Variants in LRRN4 observed in about 807,000 individuals in gnomAD.
LRRN4 encodes the protein leucine rich repeat neuronal 4.
LRRN4 carries 26 observed loss-of-function variants against 22.3 expected under a neutral mutation model. The observed-to-expected ratio is 1.16, with a 90% CI of 0.85 to 1.62. LRRN4 has a LOEUF of 1.62. LRRN4 is among the 40% of genes most tolerant of loss of function. LRRN4 has a pLI of 0.00. For missense variants in LRRN4, 1,070 were observed against 1,008.5 expected (o/e 1.06, Z -0.83); for synonymous variants, 496 against 486.2 (o/e 1.02, Z -0.26).
chr20:6,041,952 G>A lies in LRRN4; in HGVS notation c.1293C>T (p.Pro431=), dbSNP rs558367770. Reference sequence around the variant, plus strand: ...GACCTGCTACAGAGTTGGTCGTGGAGGGGGCAGTCCCCTCCCGTGCATCGC... The same window carrying A: ...GACCTGCTACAGAGTTGGTCGTGGAAGGGGCAGTCCCCTCCCGTGCATCGC... ...PHSDAREGTA[P]STTNSVAGHS... The change falls in exon 5 of 5, where the codon CCC becomes CCT. Residue 431 remains proline (P), a synonymous_variant. Transcript: ENST00000378858. This position sits in a 1 kb window ranked among gnomAD's most constrained non-coding sequence, Gnocchi z 9.4. The A allele has an allele frequency of 5.1e-4, 816 of 1,614,174 alleles. 7 individuals are homozygous for A. In the South Asian group the frequency reaches 7.5e-3, roughly 15 times the overall value.
chr20:6,044,424 C>T (rs1276164610), intron 4 of LRRN4, 119 bp downstream of exon 4: 14 of 1,082,738 alleles, frequency 1.3e-5, no homozygotes, highest in Non-Finnish European at 1.7e-5. Context: ...GGAAAGGCTG[C>T]CCAGCCCAAC....
rs1399621963 is a variant in LRRN4 at position 6,045,120 on chromosome 20, C to A, written c.861-440G>T. On this transcript the variant is annotated intron_variant, in intron 3 of 4. Coordinates refer to ENST00000378858, the MANE Select transcript of LRRN4 (RefSeq NM_152611.5). ...TCTCATATCAACTGGGGACAATATTCCCATGACTGATCGTTGTATCAAAAA... is the reference window on the plus strand; with the variant it reads ...TCTCATATCAACTGGGGACAATATTACCATGACTGATCGTTGTATCAAAAA... 2.7e-5 allele frequency among the ~76,000 whole-genome samples: 4 copies of A among 148,476 alleles called. 1 individual carries two copies. In the Admixed American group the frequency reaches 2.7e-4, roughly 10 times the overall value.
At chr20:6,052,095 G>T in intron 2 of LRRN4, 50 bp downstream of exon 2, 6 of 1,535,078 alleles carry the variant, frequency 3.9e-6, no homozygotes, top group Non-Finnish European at 5.3e-6. Context: ...CGCACGCGCA[G>T]CCTGGCTCTG....
At position 6,042,242 on chromosome 20, in the gene LRRN4, C is replaced by T; in HGVS notation, c.1003G>A (p.Ala335Thr). The T allele has an allele frequency of 6.2e-7, 1 of 1,608,014 alleles. No homozygotes were observed. The highest frequency in any genetic ancestry group is 8.5e-7 in the Non-Finnish European group (1 of 1,177,250). ...GCAGCTGGCGCGCACATAGTGTCTG[C>T]TGCCCTGGAGGGGAGGCCAACCAGT... ...DAKRTVLSRAADTMCAPAAGS... is the reference protein window; with the variant it reads ...DAKRTVLSRATDTMCAPAAGS... Residue 335 changes from alanine to threonine, a missense_variant, in exon 5 of 5, where the codon GCA (alanine) becomes ACA (threonine). Ala to Thr is a moderately conservative substitution (Grantham distance 58). Coordinates refer to ENST00000378858, the MANE Select transcript of LRRN4 (RefSeq NM_152611.5).
intron 3 of LRRN4, among the ~76,000 whole-genome samples, chr20:6,049,593 C>T (rs1981197285): frequency 6.6e-6 from 1 of 152,068 alleles, no homozygotes; most frequent in African/African-American, 2.4e-5. Context: ...CTCCACTTCC[C>T]AGGATCAAGC....
chr20:6,041,138 C>T lies in LRRN4; in HGVS notation c.2107G>A (p.Ala703Thr), dbSNP rs1348703152. 2 of 1,609,134 alleles carry T rather than the reference C, an allele frequency of 1.2e-6. No individual in the cohort carries two copies. The highest frequency in any genetic ancestry group is 1.7e-5 in the Admixed American group (1 of 59,296). Residue 703 changes from alanine to threonine, a missense_variant, in exon 5 of 5, where the codon GCA (alanine) becomes ACA (threonine). Transcript: ENST00000378858. The surrounding 1 kb of genome is among the most constrained non-coding windows in gnomAD (Gnocchi z 9.4). ...GTCTGGCCCCGCCTGCAGAGACATG[C>T]GGACAGCACCACGGTGCTGGCGAGC... is the stretch of plus-strand genomic sequence containing the variant. ...LLLASTVVLS[A>T]CLCRRGQTLG...
Position 6,053,392 on chromosome 20 carries a change from A to G in LRRN4, c.-6+438T>C, listed in dbSNP as rs573167326. ...GCATGCTCAGGGTTGCCTTCAGCAG[A>G]AGAACAAAGCCCTGTGAACCCTGGA... On this transcript the variant is annotated intron_variant, in intron 1 of 4. Transcript: ENST00000378858. 6.6e-5 allele frequency among the ~76,000 whole-genome samples: 10 copies of G among 152,280 alleles called. No homozygotes were observed. The East Asian group carries it at 1.4e-3, about 21-fold the overall frequency.
chr20:6,044,928 A>G (rs995730262), intron 3 of LRRN4, among the ~76,000 whole-genome samples: 10 of 152,160 alleles, frequency 6.6e-5, no homozygotes, highest in African/African-American at 2.2e-4. Flanking sequence ...ATATTCCTTC[A>G]TATCAACTGG....
At chr20:6,044,731 A>G (rs760367089) in intron 3 of LRRN4, 51 bp from the exon 4 acceptor site, 3 of 1,429,454 alleles carry the variant, frequency 2.1e-6, no homozygotes, top group Admixed American at 4.8e-5. Flanking sequence ...CAATTGTATC[A>G]AAGATATTCC....
intron 3 of LRRN4, among the ~76,000 whole-genome samples, chr20:6,050,034 CT>C (rs1022105052): frequency 6.6e-6 from 1 of 151,968 alleles, no homozygotes. Flanking sequence ...AAACCATATA[CT>C]TTTTTTCTCA....
At position 6,050,832 on chromosome 20, in the gene LRRN4, G is replaced by A. The variant is rs776356227; in HGVS notation, c.807C>T (p.Val269=). Reference sequence around the variant, plus strand: ...GAGTATCTTGAAAGATGTGTGTGGCGACAGAAGCAAGTGCTGGGGAGTCCT... The same window carrying A: ...GAGTATCTTGAAAGATGTGTGTGGCAACAGAAGCAAGTGCTGGGGAGTCCT... The part of the protein sequence containing the change: ...DCQDSPALAS[V]ATHIFQDTPH... Residue 269 remains valine, a synonymous_variant, in exon 3 of 5, where the codon GTC becomes GTT. Transcript: ENST00000378858. 9.3e-6 allele frequency: 15 copies of A among 1,613,764 alleles called. No individual in the cohort carries two copies. Among genetic ancestry groups the A allele is most frequent in the East Asian group, 4.5e-5 (2 of 44,878 alleles).
chr20:6,041,160 G>T lies in LRRN4; in HGVS notation c.2085C>A (p.Leu695=). Residue 695 remains leucine, a synonymous_variant, in exon 5 of 5, where the codon CTC becomes CTA. Transcript: ENST00000378858. This position sits in a 1 kb window ranked among gnomAD's most constrained non-coding sequence, Gnocchi z 9.4. ...ATGCGGACAGCACCACGGTGCTGGC[G>T]AGCAACAGGCCGCTGGCGGCGCACA... ...SGLCAASGLL[L]ASTVVLSACL... 6.2e-7 allele frequency: 1 copy of T among 1,603,798 alleles called. No homozygotes were observed. The highest frequency in any genetic ancestry group is 1.1e-5 in the South Asian group (1 of 90,214).
rs1174012894 is a variant in LRRN4, at chr20:6,049,839, C to T, written c.860+940G>A. ...ATTATATCATACAATCATCACTATC[C>T]TCGCATTATAATTAGCACCAACAGC... On this transcript the variant is annotated intron_variant, in intron 3 of 4. Transcript: ENST00000378858. Among the ~76,000 whole-genome samples the T allele has an allele frequency of 2.0e-5, 3 of 151,556 alleles. No individual in the cohort carries two copies. In the East Asian group the frequency reaches 5.8e-4, roughly 29 times the overall value.
At chr20:6,052,078 C>A in intron 2 of LRRN4, 67 bp downstream of exon 2, 3 of 1,506,356 alleles carry the variant, frequency 2.0e-6, no homozygotes, top group South Asian at 1.3e-5. Context: ...AGCCCTGCCC[C>A]CCGGAGCGCA....
Position 6,041,269 on chromosome 20 carries a change from A to G in LRRN4, c.1976T>C (p.Leu659Ser), listed in dbSNP as rs1187877315. The change falls in exon 5 of 5, where the codon TTG (leucine) becomes TCG (serine). Residue 659 changes from leucine (L) to serine (S), a missense_variant. Physicochemically the swap from Leu to Ser is moderately radical, Grantham distance 145. Transcript: ENST00000378858. The surrounding 1 kb of genome is among the most constrained non-coding windows in gnomAD (Gnocchi z 9.4). ...VCVLAANRAG[L>S]SQPRSSGWRS... ...CCAGCCCGAAGACCGTGGCTGGCTC[A>G]AGCCCGCCCTGTTGGCCGCCAGCAC... is the stretch of plus-strand genomic sequence containing the variant. 1 of 1,586,990 alleles carries G rather than the reference A, an allele frequency of 6.3e-7. No individual in the cohort carries two copies. Among genetic ancestry groups the G allele is most frequent in the Non-Finnish European group, 8.6e-7 (1 of 1,168,536 alleles).
In LRRN4 at chr20:6,044,690, A is replaced by G; in HGVS notation, c.861-10T>C. The G allele has an allele frequency of 6.6e-7, 1 of 1,512,710 alleles. No individual in the cohort carries two copies. Among genetic ancestry groups the G allele is most frequent in the Non-Finnish European group, 8.9e-7 (1 of 1,129,354 alleles). The allele number at this position is 1,512,710 out of a possible 1,614,324, so 93.7% of individuals were successfully genotyped here. A position where few individuals can be genotyped will look rare whatever the true frequency, so the allele number is the denominator to read the frequency against. Reference sequence around the variant, plus strand: ...GGAACTCAAGTTGCAGCTGAAATACAAACAAAAAAATTAATTAAGTCAGGT... The same window carrying G: ...GGAACTCAAGTTGCAGCTGAAATACGAACAAAAAAATTAATTAAGTCAGGT... On this transcript the variant is annotated splice_polypyrimidine_tract_variant and intron_variant, in intron 3 of 4. Coordinates refer to ENST00000378858, the MANE Select transcript of LRRN4 (RefSeq NM_152611.5).
rs1272888313 is a variant in LRRN4 at position 6,052,583 on chromosome 20, G to T, written c.217C>A (p.Leu73Ile). ...NRNLERLPGC[L>I]PRTLRSLDAS... ...TCGAGGCTGCGCAGTGTGCGCGGTA[G>T]GCAGCCGGGCAGGCGCTCCAGGTTG... The change falls in exon 2 of 5, where the codon CTA becomes ATA. Residue 73 changes from leucine to isoleucine, a missense_variant. Leu to Ile is a conservative substitution (Grantham distance 5). Coordinates refer to ENST00000378858, the MANE Select transcript of LRRN4 (RefSeq NM_152611.5). 1 of 1,582,754 alleles carries T rather than the reference G, an allele frequency of 6.3e-7. No homozygotes were observed.
chr20:6,047,150 G>A (rs1011175210), intron 3 of LRRN4, among the ~76,000 whole-genome samples: 2 of 152,092 alleles, frequency 1.3e-5, no homozygotes, highest in African/African-American at 4.8e-5. Context: ...ACCTACACGT[G>A]ATGAAGTCCC....
At position 6,040,834 on chromosome 20, in the gene LRRN4, G is replaced by T; in HGVS notation, c.*188C>A. On this transcript the variant is annotated 3_prime_UTR_variant, in exon 5 of 5. Coordinates refer to ENST00000378858, the MANE Select transcript of LRRN4 (RefSeq NM_152611.5). ...AGGTTTCTGGGAACAGAGTTAAGTAGAAGGAAGGGAGGGCAGCAGTTCCTT... is the reference window on the plus strand; with the variant it reads ...AGGTTTCTGGGAACAGAGTTAAGTATAAGGAAGGGAGGGCAGCAGTTCCTT... The T allele has an allele frequency of 1.3e-6, 1 of 742,156 alleles. No homozygotes were observed. The allele number at this position is 742,156 out of a possible 1,614,324, so 46.0% of individuals were successfully genotyped here.
Sources: gnomAD v4.1 joint callset for allele counts (sites outside exome capture counted in the v4.1 genomes callset) on GRCh38, gnomAD v4.1.1 for gene constraint, Gnocchi (gnomAD v3.1) non-coding constraint, MANE v1.5 for transcripts, NCBI Gene and HGNC (gene_info 2026-07-23, HGNC 2026-07-21) for gene names.